Variants in DNAH11 observed in about 807,000 individuals in gnomAD.
The protein encoded by DNAH11 is axonemal beta dynein heavy chain 11.
DNAH11 carries 442 observed loss-of-function variants against 526.0 expected under a neutral mutation model. The observed-to-expected ratio is 0.84, with a 90% CI of 0.78 to 0.91. The LOEUF is 0.91. Ranked by LOEUF, DNAH11 falls within the 40% of genes least tolerant of loss-of-function variation. The probability of loss-of-function intolerance (pLI) is 0.00; values close to 1 mark genes in which losing one functional copy is unlikely to be tolerated. For synonymous variants in DNAH11, 2,461 were observed against 1,935.9 expected, an observed-to-expected ratio of 1.27 and a Z score of -7.12; for missense variants, 6,989 against 5,448.7, an observed-to-expected ratio of 1.28 and a Z score of -8.90.
chr7:21,681,002 G>A (rs957691277), intron 30 of DNAH11, among the ~76,000 whole-genome samples: 1 of 152,104 alleles, frequency 6.6e-6, no homozygotes, highest in East Asian at 1.9e-4. Flanking sequence ...CAGTGCAGCC[G>A]GGAAACCCTG....
rs530222293 is a variant in DNAH11, at chr7:21,724,669, A to T, written c.7267-1142A>T. 2.6e-5 allele frequency among the ~76,000 whole-genome samples: 4 copies of T among 151,478 alleles called. No homozygotes were observed. In the East Asian group the frequency reaches 7.8e-4, roughly 30 times the overall value. On this transcript the variant is annotated intron_variant, in intron 44 of 81. Transcript: ENST00000409508. ...AGTCGCTGAGCCAGGTCATCCTATG[A>T]ATATAGGAAACACTGGGCCAGGTCA... is the stretch of plus-strand genomic sequence containing the variant.
chr7:21,854,043 C>A (rs1221236011), intron 67 of DNAH11, among the ~76,000 whole-genome samples: 2 of 152,144 alleles, frequency 1.3e-5, no homozygotes, highest in Admixed American at 6.5e-5. Context: ...TACTCAAATT[C>A]TGTAGAACAG....
At chr7:21,833,794 G>A (rs1279632856) in intron 65 of DNAH11, among the ~76,000 whole-genome samples, 1 of 152,166 alleles carries the variant, frequency 6.6e-6, no homozygotes, top group East Asian at 1.9e-4. Flanking sequence ...ATGCAAATGA[G>A]TATAAATGTT....
chr7:21,827,906 G>A (rs1790377687), intron 65 of DNAH11, among the ~76,000 whole-genome samples: 1 of 151,896 alleles, frequency 6.6e-6, no homozygotes, highest in Admixed American at 6.6e-5. Flanking sequence ...CACTGTAGTA[G>A]AATGTACTTT....
chr7:21,762,490 A>C (rs190090453), intron 54 of DNAH11, among the ~76,000 whole-genome samples: 235 of 152,334 alleles, frequency 1.5e-3, no homozygotes, highest in African/African-American at 5.5e-3. Flanking sequence ...GTGGGAAACC[A>C]ACTTCTTGGG....
chr7:21,663,755 TC>T (rs1475390137), intron 30 of DNAH11, among the ~76,000 whole-genome samples: 33 of 100,560 alleles, frequency 3.3e-4, no homozygotes, highest in African/African-American at 1.2e-3. Flanking sequence ...TGACAGGATT[TC>T]CTTTTTTTTT....
chr7:21,574,044 G>A (rs769010327), intron 8 of DNAH11, among the ~76,000 whole-genome samples: 1 of 152,178 alleles, frequency 6.6e-6, no homozygotes, highest in African/African-American at 2.4e-5. Flanking sequence ...TATCAGGTGT[G>A]CCCATAAAAA....
intron 52 of DNAH11, 137 bp from the exon 53 acceptor site, chr7:21,749,541 G>T: frequency 9.0e-7 from 1 of 1,107,266 alleles, no homozygotes; most frequent in Non-Finnish European, 1.3e-6. Flanking sequence ...TCTCAGAGAA[G>T]GAATATGTAA....
At position 21,850,022 on chromosome 7, in the gene DNAH11, T is replaced by G. The variant is rs116536097; in HGVS notation, c.10897-2445T>G. Among the ~76,000 whole-genome samples the G allele has an allele frequency of 2.9e-3, 441 of 151,732 alleles. 2 individuals carry two copies. Among genetic ancestry groups the G allele is most frequent in the African/African-American group, 0.01 (429 of 41,436 alleles). On this transcript the variant is annotated intron_variant, in intron 66 of 81. Transcript: ENST00000409508. ...TCTAATGACATATGTCTAAGCATACTGATTCTTGTCACTGTGTCTAGTTTA... is the reference window on the plus strand; with the variant it reads ...TCTAATGACATATGTCTAAGCATACGGATTCTTGTCACTGTGTCTAGTTTA...
At chr7:21,700,315 G>A (rs1784003247) in intron 36 of DNAH11, among the ~76,000 whole-genome samples, 1 of 152,202 alleles carries the variant, frequency 6.6e-6, no homozygotes, top group Non-Finnish European at 1.5e-5. Context: ...GAAGAGCTGG[G>A]TTAGGAACAC....
intron 28 of DNAH11, among the ~76,000 whole-genome samples, chr7:21,643,313 C>T (rs901662463): frequency 2.0e-5 from 3 of 152,150 alleles, no homozygotes; most frequent in African/African-American, 7.2e-5. Flanking sequence ...TAACTGACAA[C>T]TTTGGGCAAT....
At chr7:21,630,330 C>T (rs1786547016) in intron 25 of DNAH11, among the ~76,000 whole-genome samples, 1 of 152,048 alleles carries the variant, frequency 6.6e-6, no homozygotes, top group South Asian at 2.1e-4. Flanking sequence ...GGCTTCATGC[C>T]AGGAGTATGA....
At position 21,891,888 on chromosome 7, in the gene DNAH11, TTTATAA is replaced by T. The variant is rs970359804; in HGVS notation, c.12508-530_12508-525del. Among the ~76,000 whole-genome samples, 5 of 152,326 alleles carry T rather than the reference TTTATAA, an allele frequency of 3.3e-5. No homozygotes were observed. In the East Asian group the frequency reaches 5.8e-4, roughly 18 times the overall value. On this transcript the variant is annotated intron_variant, in intron 76 of 81. Coordinates refer to ENST00000409508, the MANE Select transcript of DNAH11 (RefSeq NM_001277115.2). ...TTTTCATTAAATGCACATATCATTA[TTTATAA>T]TTATAAAATTCAGGTATATAAATTC...
intron 32 of DNAH11, 42 bp downstream of exon 32, chr7:21,683,986 A>C: frequency 6.2e-7 from 1 of 1,601,934 alleles, no homozygotes; most frequent in Non-Finnish European, 8.5e-7. Context: ...AAAACAACCC[A>C]AAAAAGTCCC....
chr7:21,709,682 G>T (rs1033717446), intron 40 of DNAH11, among the ~76,000 whole-genome samples: 2 of 152,128 alleles, frequency 1.3e-5, no homozygotes, highest in African/African-American at 4.8e-5. Context: ...AGTTTTTACT[G>T]TCTCAGCCTA....
intron 25 of DNAH11, among the ~76,000 whole-genome samples, chr7:21,622,413 C>G (rs530141206): frequency 6.6e-6 from 1 of 152,190 alleles, no homozygotes; most frequent in East Asian, 1.9e-4. Context: ...TTTATAGATT[C>G]AATGCCATCC....
chr7:21,600,113 T>A lies in DNAH11; in HGVS notation c.2994T>A (p.Asn998Lys), dbSNP rs1173678589. 1.3e-6 allele frequency: 2 copies of A among 1,535,974 alleles called. No individual in the cohort carries two copies. The highest frequency in any genetic ancestry group is 1.8e-6 in the Non-Finnish European group (2 of 1,140,736). Residue 998 changes from asparagine to lysine, a missense_variant, in exon 15 of 82, where the codon AAT (asparagine) becomes AAA (lysine). Coordinates refer to ENST00000409508, the MANE Select transcript of DNAH11 (RefSeq NM_001277115.2). The stretch of plus-strand genomic sequence containing the variant: ...TAGCAACACACCTGGAAATTAAAAA[T>A]TATCAGGTATTTTCTTAGTAAATGG... ...NRIATHLEIK[N>K]YQNDMDNMLG...
At chr7:21,802,252 C>T (rs1380016679) in intron 62 of DNAH11, among the ~76,000 whole-genome samples, 4 of 152,152 alleles carry the variant, frequency 2.6e-5, no homozygotes, top group Non-Finnish European at 4.4e-5. Flanking sequence ...CTCCATTAGT[C>T]GTTAGAGAAA....
intron 30 of DNAH11, among the ~76,000 whole-genome samples, chr7:21,660,660 G>A (rs1180543115): frequency 8.4e-6 from 1 of 119,146 alleles, no homozygotes; most frequent in African/African-American, 3.2e-5. Context: ...AACATCAAAA[G>A]TTTTTTCTCT....
Sources: allele counts gnomAD v4.1 joint callset (sites outside exome capture counted in the v4.1 genomes callset), GRCh38; gene constraint gnomAD v4.1.1; transcripts MANE v1.5; gene names NCBI Gene and HGNC (gene_info 2026-07-23, HGNC 2026-07-21).